ASPH: variants seen among roughly 807,000 people sequenced by gnomAD.
ASPH encodes the protein aspartate beta-hydroxylase, also known as aspartyl/asparaginyl beta-hydroxylase.
ASPH carries 100 observed loss-of-function variants against 118.4 expected under a neutral mutation model. That is an observed-to-expected ratio of 0.84 (90% CI 0.72 to 1.00). ASPH has a LOEUF of 1.00. Among genes scored for constraint, ASPH ranks in the 50% least tolerant of loss-of-function variants. The pLI is 0.00. For missense variants in ASPH, 920 were observed against 919.5 expected, an observed-to-expected ratio of 1.00 and a Z score of -0.01; for synonymous variants, 315 against 325.6, an observed-to-expected ratio of 0.97 and a Z score of 0.35.
chr8:61,628,508 A>G (rs1854033995), intron 13 of ASPH, among the ~76,000 whole-genome samples: 2 of 151,820 alleles, frequency 1.3e-5, no homozygotes, highest in African/African-American at 4.8e-5. Flanking sequence ...ATCCTCTGAG[A>G]AGAGACACTT....
intron 3 of ASPH, chr8:61,663,538 C>T: frequency 3.0e-6 from 3 of 985,372 alleles, no homozygotes; most frequent in Non-Finnish European, 3.6e-6. Flanking sequence ...AACTCTGATT[C>T]CAGGTCTAGA....
intron 2 of ASPH, chr8:61,683,701 T>C (rs1019534692): frequency 1.2e-5 from 2 of 171,394 alleles, no homozygotes; most frequent in Non-Finnish European, 2.5e-5. Context: ...TGGCTCATGA[T>C]CAAGTATTTT....
rs959702996 is a variant in ASPH at position 61,576,569 on chromosome 8, T to C, written c.1149+203A>G. 5.6e-5 allele frequency: 26 copies of C among 468,140 alleles called. No homozygotes were observed. The Admixed American group carries it at 6.6e-4, about 12-fold the overall frequency. The allele number at this position is 468,140 out of a possible 1,614,324, so 29.0% of individuals were successfully genotyped here. Reference sequence around the variant, plus strand: ...TTTTCTTTTCAAAGCCAGAGAGAAGTCATATGGAGGGGGAGCAGAAAAAAA... The same window carrying C: ...TTTTCTTTTCAAAGCCAGAGAGAAGCCATATGGAGGGGGAGCAGAAAAAAA... On this transcript the variant is annotated intron_variant, in intron 16 of 24. Transcript: ENST00000379454.
Position 61,619,001 on chromosome 8 carries a change from T to C in ASPH, c.953A>G (p.Asp318Gly), listed in dbSNP as rs1179229336. Reference sequence around the variant, plus strand: ...ACCTTTTGCTTTTTGTTCTGGATCATCTGTTTTTCTATTTGTTTCTGAAAA... The same window carrying C: ...ACCTTTTGCTTTTTGTTCTGGATCACCTGTTTTTCTATTTGTTTCTGAAAA... ...EVPPETNRKT[D>G]DPEQKAKVKK... The change falls in exon 14 of 25, where the codon GAT (aspartate) becomes GGT (glycine). Residue 318 changes from aspartate (D) to glycine (G), a missense_variant. Transcript: ENST00000379454. 1.2e-6 allele frequency: 2 copies of C among 1,606,018 alleles called. No homozygotes were observed. The highest frequency in any genetic ancestry group is 2.2e-5 in the East Asian group (1 of 44,612).
intron 14 of ASPH, among the ~76,000 whole-genome samples, chr8:61,607,544 A>AT (rs1485615197): frequency 6.6e-6 from 1 of 152,152 alleles, no homozygotes; most frequent in Non-Finnish European, 1.5e-5. Context: ...GTAGTAAATA[A>AT]TTTAGGAGGG....
In ASPH at chr8:61,646,750, C is replaced by T. The variant is rs1247046948; in HGVS notation, c.619G>A (p.Glu207Lys). 1.9e-6 allele frequency: 3 copies of T among 1,610,918 alleles called. No individual in the cohort carries two copies. The highest frequency in any genetic ancestry group is 1.3e-5 in the African/African-American group (1 of 74,774). Reference sequence around the variant, plus strand: ...AAAACTTGAAAAAAAAGTGTTCTACCTTCATGAGATACTTCAGGTTCCAGG... The same window carrying T: ...AAAACTTGAAAAAAAAGTGTTCTACTTTCATGAGATACTTCAGGTTCCAGG... ...ETLEPEVSHEETEHSYHVEET... is the reference protein window; with the variant it reads ...ETLEPEVSHEKTEHSYHVEET... The change falls in exon 6 of 25, where the codon GAA becomes AAA. Residue 207 changes from glutamate (E) to lysine (K), a missense_variant and splice_region_variant. Coordinates refer to ENST00000379454, the MANE Select transcript of ASPH (RefSeq NM_004318.4).
chr8:61,545,705 A>G (rs1174448317), intron 21 of ASPH, among the ~76,000 whole-genome samples: 1 of 152,214 alleles, frequency 6.6e-6, no homozygotes. Context: ...CCTTCACACA[A>G]TCAATCATGC....
chr8:61,594,649 T>C (rs1842050953), intron 14 of ASPH, among the ~76,000 whole-genome samples: 1 of 152,258 alleles, frequency 6.6e-6, no homozygotes, highest in African/African-American at 2.4e-5. Context: ...CACATTCATA[T>C]AACTTTTATT....
chr8:61,550,466 CACAT>C, intron 20 of ASPH, among the ~76,000 whole-genome samples: 1 of 150,058 alleles, frequency 6.7e-6, no homozygotes, highest in East Asian at 2.0e-4. Flanking sequence ...CACACACACA[CACAT>C]AAGAGAAAGA....
At position 61,691,648 on chromosome 8, in the gene ASPH, G is replaced by A. The variant is rs564057176; in HGVS notation, c.104-7460C>T. Among the ~76,000 whole-genome samples, 12 of 152,258 alleles carry A rather than the reference G, an allele frequency of 7.9e-5. 1 individual carries two copies. The highest frequency in any genetic ancestry group is 5.9e-4 in the Admixed American group (9 of 15,294). ...CTACACTGATCCAGCAGGCAGCTTG[G>A]TATGCTTTCATACTTAGACACCTGG... On this transcript the variant is annotated intron_variant, in intron 1 of 24. Transcript: ENST00000379454.
chr8:61,603,969 T>C (rs1183439372), intron 14 of ASPH, among the ~76,000 whole-genome samples: 1 of 152,208 alleles, frequency 6.6e-6, no homozygotes, highest in African/African-American at 2.4e-5. Context: ...AGTATGTACA[T>C]ATAAATGTGA....
intron 14 of ASPH, among the ~76,000 whole-genome samples, chr8:61,599,323 G>C (rs1357487649): frequency 6.6e-6 from 1 of 152,108 alleles, no homozygotes; most frequent in African/African-American, 2.4e-5. Flanking sequence ...CCTGTTGTGG[G>C]GTCGGGGGAG....
intron 1 of ASPH, among the ~76,000 whole-genome samples, chr8:61,685,006 T>A (rs1829869648): frequency 1.3e-5 from 2 of 152,114 alleles, no homozygotes; most frequent in South Asian, 4.1e-4. Flanking sequence ...CAAAATGCCT[T>A]CTGAGAAGAG....
chr8:61,601,147 G>A (rs1480884469), intron 14 of ASPH, among the ~76,000 whole-genome samples: 1 of 151,292 alleles, frequency 6.6e-6, no homozygotes, highest in Non-Finnish European at 1.5e-5. Context: ...AATTCCATCA[G>A]AGGCTTTGGT....
Position 61,526,044 on chromosome 8 carries a change from G to A in ASPH, c.1833C>T (p.Leu611=). ...GLAVMDKAKG[L]FLPEDENLRE... ...TCAGGTTTTCATCCTCAGGCAGGAA[G>A]AGACCTTTGGCTTTATCCATCACTG... Residue 611 remains leucine (L), a synonymous_variant, in exon 22 of 25, where the codon CTC becomes CTT. Coordinates refer to ENST00000379454, the MANE Select transcript of ASPH (RefSeq NM_004318.4). 1 of 1,614,046 alleles carries A rather than the reference G, an allele frequency of 6.2e-7. No homozygotes were observed. The highest frequency in any genetic ancestry group is 8.5e-7 in the Non-Finnish European group (1 of 1,179,946).
At chr8:61,662,864 G>C (rs1250926832) in intron 3 of ASPH, 2 of 983,822 alleles carry the variant, frequency 2.0e-6, no homozygotes, top group African/African-American at 3.5e-5. Flanking sequence ...ATTCTTATGT[G>C]CTTTTGATGA....
intron 17 of ASPH, 113 bp downstream of exon 17, chr8:61,567,046 AATCAGTTGT>A: frequency 8.2e-7 from 1 of 1,215,722 alleles, no homozygotes; most frequent in South Asian, 1.6e-5. Context: ...CATTACTTGA[AATCAGTTGT>A]AAAACTCAGG....
intron 3 of ASPH, among the ~76,000 whole-genome samples, chr8:61,673,406 C>T (rs545283389): frequency 1.3e-5 from 2 of 152,302 alleles, no homozygotes; most frequent in Admixed American, 6.5e-5. Flanking sequence ...TCGTGCCAAA[C>T]TCCGGAGAAC....
intron 17 of ASPH, 105 bp downstream of exon 17, chr8:61,567,063 A>G: frequency 7.3e-7 from 1 of 1,367,138 alleles, no homozygotes; most frequent in Non-Finnish European, 9.8e-7. Flanking sequence ...TGTAAAACTC[A>G]GGTTTTCTCC....
Sources: allele counts gnomAD v4.1 joint callset (sites outside exome capture counted in the v4.1 genomes callset), GRCh38; gene constraint gnomAD v4.1.1; transcripts MANE v1.5; gene names NCBI Gene and HGNC (gene_info 2026-07-23, HGNC 2026-07-21).